The following PHLPP1 variants were observed in gnomAD, a reference collection of about 807,000 sequenced individuals.
The protein encoded by PHLPP1 is PH domain leucine-rich repeat-containing protein phosphatase 1.
Under a neutral mutation model 117.2 loss-of-function variants are expected in PHLPP1, and 42 were observed. The observed-to-expected ratio is 0.36, with a 90% CI of 0.28 to 0.46. PHLPP1 has a LOEUF of 0.46. Ranked by LOEUF, PHLPP1 falls within the 20% of genes least tolerant of loss-of-function variation. The probability of loss-of-function intolerance (pLI) is 1.00; values close to 1 mark genes in which losing one functional copy is unlikely to be tolerated. For missense variants in PHLPP1, 2,084 were observed against 2,241.9 expected (o/e 0.93, Z 1.42); for synonymous variants, 1,042 against 970.7 (o/e 1.07, Z -1.37).
At chr18:62,833,541 T>G (rs1437393385) in intron 2 of PHLPP1, among the ~76,000 whole-genome samples, 2 of 152,202 alleles carry the variant, frequency 1.3e-5, no homozygotes, top group African/African-American at 4.8e-5. Context: ...CCTAGAAGGA[T>G]TCACTGTCCT....
Position 62,979,570 on chromosome 18 carries a change from G to A in PHLPP1, c.*139G>A. ...CCCAACCTGTCATCGCAGCTAATCT[G>A]TAGGTTCTCTTTCTTTGGGTTATTT... On this transcript the variant is annotated 3_prime_UTR_variant, in exon 17 of 17. Transcript: ENST00000262719. 1.1e-6 allele frequency: 1 copy of A among 907,336 alleles called. No homozygotes were observed. The highest frequency in any genetic ancestry group is 1.6e-6 in the Non-Finnish European group (1 of 609,172). The allele number at this position is 907,336 out of a possible 1,614,324, so 56.2% of individuals were successfully genotyped here. A position where few individuals can be genotyped will look rare whatever the true frequency, so the allele number is the denominator to read the frequency against.
At chr18:62,786,895 T>C (rs1789815888) in intron 1 of PHLPP1, among the ~76,000 whole-genome samples, 1 of 152,240 alleles carries the variant, frequency 6.6e-6, no homozygotes, top group Non-Finnish European at 1.5e-5. Flanking sequence ...AATGAGTATT[T>C]GGTCAGTTAA....
chr18:62,741,710 C>T (rs951074867), intron 1 of PHLPP1, among the ~76,000 whole-genome samples: 1 of 150,260 alleles, frequency 6.7e-6, no homozygotes, highest in Non-Finnish European at 1.5e-5. Flanking sequence ...AGGAAGAAAT[C>T]TAGTATGCAG....
intron 12 of PHLPP1, among the ~76,000 whole-genome samples, chr18:62,957,446 C>T (rs1234084550): frequency 6.6e-6 from 1 of 151,816 alleles, no homozygotes; most frequent in Non-Finnish European, 1.5e-5. Flanking sequence ...CCATACTTGA[C>T]TCAGCCCCTT....
At chr18:62,730,741 G>A (rs1911203001) in intron 1 of PHLPP1, among the ~76,000 whole-genome samples, 1 of 150,026 alleles carries the variant, frequency 6.7e-6, no homozygotes, top group Non-Finnish European at 1.5e-5. Flanking sequence ...GCAGTGAGCC[G>A]AGATCGTGCC....
chr18:62,972,704 C>A lies in PHLPP1; in HGVS notation c.3751C>A (p.Gln1251Lys). The A allele has an allele frequency of 6.2e-7, 1 of 1,608,896 alleles. No homozygotes were observed. The highest frequency in any genetic ancestry group is 8.5e-7 in the Non-Finnish European group (1 of 1,175,674). The change falls in exon 15 of 17, where the codon CAA becomes AAA. Residue 1251 changes from glutamine to lysine, a missense_variant. This residue lies in a region of PHLPP1 where 1,365 missense variants were observed against 1,605.9 expected (regional missense o/e 0.85). Transcript: ENST00000262719. ...CATGGTCAATACATTCATTGTCATGCAAAGGTAAAACTCAGAGTTCCTGCT... is the reference window on the plus strand; with the variant it reads ...CATGGTCAATACATTCATTGTCATGAAAAGGTAAAACTCAGAGTTCCTGCT... ...EYMVNTFIVM[Q>K]RKLGTAGQKL... is the part of the protein sequence containing the mutation.
intron 10 of PHLPP1, among the ~76,000 whole-genome samples, chr18:62,935,023 A>G (rs774886490): frequency 3.3e-5 from 5 of 152,222 alleles, no homozygotes; most frequent in Non-Finnish European, 7.3e-5. Flanking sequence ...TATTAGATAT[A>G]TTAGCCAGGT....
rs753526536 is a variant in PHLPP1, at chr18:62,779,257, AT to A, written c.1577-50767del. ...GTAATCTTCTTTTCCAGACCTTCAG[AT>A]TTTTTTTTTTCTTCAGGTTTCATAT... On this transcript the variant is annotated intron_variant, in intron 1 of 16. Coordinates refer to ENST00000262719, the MANE Select transcript of PHLPP1 (RefSeq NM_194449.4). The A allele has an allele frequency of 7.0e-3, 1,027 of 147,110 alleles. 10 individuals are homozygous for A. The highest frequency in any genetic ancestry group is 0.024 in the Middle Eastern group (7 of 286). 9.1% of individuals were successfully genotyped at this position (147,110 alleles called of 1,614,324 possible).
chr18:62,875,769 C>A (rs1197024623), intron 4 of PHLPP1, among the ~76,000 whole-genome samples: 1 of 151,654 alleles, frequency 6.6e-6, no homozygotes, highest in African/African-American at 2.4e-5. Context: ...ACTCTATCCT[C>A]CCCCCGAGGT....
intron 1 of PHLPP1, among the ~76,000 whole-genome samples, chr18:62,753,253 T>G (rs969273383): frequency 6.6e-6 from 1 of 152,220 alleles, no homozygotes; most frequent in Non-Finnish European, 1.5e-5. Context: ...TATGGGAAGC[T>G]GATGACAAAA....
chr18:62,901,052 T>A (rs540786112), intron 6 of PHLPP1, among the ~76,000 whole-genome samples: 123 of 152,366 alleles, frequency 8.1e-4, no homozygotes, highest in Non-Finnish European at 1.5e-3. Context: ...TAGCTTTCTT[T>A]TTTGTTACAT....
Position 62,830,138 on chromosome 18 carries a change from C to A in PHLPP1, c.1680C>A (p.Arg560=). ...MQLPVNRWTR[R]QVILCGTCLI... Reference sequence around the variant, plus strand: ...TGCCAGTGAACCGATGGACAAGACGCCAAGTCATCCTATGTGGGACCTGCC... The same window carrying A: ...TGCCAGTGAACCGATGGACAAGACGACAAGTCATCCTATGTGGGACCTGCC... The change falls in exon 2 of 17, where the codon CGC becomes CGA. Residue 560 remains arginine (R), a synonymous_variant. Coordinates refer to ENST00000262719, the MANE Select transcript of PHLPP1 (RefSeq NM_194449.4). 6.2e-7 allele frequency: 1 copy of A among 1,609,358 alleles called. No homozygotes were observed. The highest frequency in any genetic ancestry group is 1.1e-5 in the South Asian group (1 of 90,024).
intron 3 of PHLPP1, chr18:62,839,984 ATC>A (rs1244865354): frequency 6.6e-6 from 1 of 151,676 alleles, no homozygotes; most frequent in Non-Finnish European, 1.5e-5. Flanking sequence ...AAATGACAAA[ATC>A]TCTCTAGGGT....
intron 1 of PHLPP1, among the ~76,000 whole-genome samples, chr18:62,750,094 G>A (rs989996250): frequency 6.6e-6 from 1 of 152,108 alleles, no homozygotes; most frequent in African/African-American, 2.4e-5. Context: ...CACCCTAACA[G>A]CCTCATTTTA....
intron 15 of PHLPP1, among the ~76,000 whole-genome samples, chr18:62,973,284 A>C (rs950805636): frequency 1.3e-5 from 2 of 152,244 alleles, no homozygotes; most frequent in Non-Finnish European, 2.9e-5. Context: ...TGCCACCAGC[A>C]GCAGAGCTTT....
At chr18:62,751,171 C>G (rs1478978926) in intron 1 of PHLPP1, among the ~76,000 whole-genome samples, 1 of 152,210 alleles carries the variant, frequency 6.6e-6, no homozygotes, top group Non-Finnish European at 1.5e-5. Flanking sequence ...TTCCCCACTA[C>G]TTATTCATAA....
At position 62,807,855 on chromosome 18, in the gene PHLPP1, G is replaced by A. The variant is rs72945541; in HGVS notation, c.1577-22180G>A. ...GTTTGCAGGCCGGGAATTGCTTTGG[G>A]TGGGTCAGTGAGTGAGTGGTGAGAG... On this transcript the variant is annotated intron_variant, in intron 1 of 16. Coordinates refer to ENST00000262719, the MANE Select transcript of PHLPP1 (RefSeq NM_194449.4). Among the ~76,000 whole-genome samples the A allele has an allele frequency of 3.6e-3, 555 of 152,272 alleles. 4 individuals carry two copies. The highest frequency in any genetic ancestry group is 5.4e-3 in the Non-Finnish European group (364 of 68,016).
At chr18:62,832,676 A>G (rs770169529) in intron 2 of PHLPP1, among the ~76,000 whole-genome samples, 6 of 152,186 alleles carry the variant, frequency 3.9e-5, no homozygotes, top group Non-Finnish European at 8.8e-5. Context: ...AGTCTTTAAT[A>G]TCTGTTGACT....
chr18:62,845,478 G>A (rs1915158274), intron 3 of PHLPP1, among the ~76,000 whole-genome samples: 2 of 152,076 alleles, frequency 1.3e-5, no homozygotes, highest in African/African-American at 4.8e-5. Flanking sequence ...AATCACAATT[G>A]AACTTTTGGT....
Sources: allele counts gnomAD v4.1 joint callset (sites outside exome capture counted in the v4.1 genomes callset), GRCh38; gene constraint gnomAD v4.1.1; regional missense constraint gnomAD v4.1.1; transcripts MANE v1.5; gene names NCBI Gene and HGNC (gene_info 2026-07-23, HGNC 2026-07-21).